NKAIN2: variants seen among roughly 807,000 people sequenced by gnomAD.
The protein encoded by NKAIN2 is sodium/potassium-transporting ATPase subunit beta-1-interacting protein 2.
A neutral mutation model predicts 32.6 loss-of-function variants in NKAIN2; 14 were observed. The ratio of observed to expected loss-of-function variants is 0.43; its 90% CI spans 0.28 to 0.67. NKAIN2 has a LOEUF of 0.67. Ranked by LOEUF, NKAIN2 falls within the 30% of genes least tolerant of loss-of-function variation. The pLI is 0.17. For missense variants in NKAIN2, 198 were observed against 258.3 expected, an observed-to-expected ratio of 0.77 and a Z score of 1.60; for synonymous variants, 80 against 87.2, an observed-to-expected ratio of 0.92 and a Z score of 0.46.
At position 124,294,870 on chromosome 6, in the gene NKAIN2, C is replaced by T. The variant is rs529592528; in HGVS notation, c.192+11728C>T. Among the ~76,000 whole-genome samples, 18 of 152,222 alleles carry T rather than the reference C, an allele frequency of 1.2e-4. No homozygotes were observed. In the South Asian group the frequency reaches 3.7e-3, roughly 31 times the overall value. ...TCTGTTTGACTAGACCTGTCATTTT[C>T]TGAAACACAGCGGAATCCATTTTTT... On this transcript the variant is annotated intron_variant, in intron 2 of 6. Coordinates refer to ENST00000368417, the MANE Select transcript of NKAIN2 (RefSeq NM_001040214.3).
chr6:124,099,419 A>C (rs544182546), intron 1 of NKAIN2, among the ~76,000 whole-genome samples: 17 of 152,346 alleles, frequency 1.1e-4, no homozygotes, highest in African/African-American at 3.6e-4. Flanking sequence ...TAATCACAAA[A>C]TTGCTGTCTA....
intron 4 of NKAIN2, among the ~76,000 whole-genome samples, chr6:124,716,944 A>G (rs1468099116): frequency 2.6e-5 from 4 of 152,208 alleles, no homozygotes; most frequent in African/African-American, 9.6e-5. Flanking sequence ...CCCAATACCT[A>G]CAACAATGTC....
At chr6:123,877,045 G>A (rs1483110415) in intron 1 of NKAIN2, among the ~76,000 whole-genome samples, 1 of 151,950 alleles carries the variant, frequency 6.6e-6, no homozygotes, top group African/African-American at 2.4e-5. Context: ...GCTATTTCAT[G>A]TCTGATACTG....
chr6:124,139,415 TA>T (rs1174536385), intron 1 of NKAIN2, among the ~76,000 whole-genome samples: 1 of 152,168 alleles, frequency 6.6e-6, no homozygotes, highest in Non-Finnish European at 1.5e-5. Flanking sequence ...TAAAGTAAGA[TA>T]AAATAAAATT....
At chr6:124,189,483 G>A (rs1421971149) in intron 1 of NKAIN2, among the ~76,000 whole-genome samples, 3 of 152,126 alleles carry the variant, frequency 2.0e-5, no homozygotes, top group East Asian at 3.9e-4. Flanking sequence ...GGCAGATCAC[G>A]AGGTCAGGAG....
intron 1 of NKAIN2, among the ~76,000 whole-genome samples, chr6:124,223,048 C>A (rs1791913790): frequency 6.6e-6 from 1 of 151,782 alleles, no homozygotes; most frequent in Admixed American, 6.6e-5. Context: ...CCTGTCTCTA[C>A]TGAAAATACA....
intron 4 of NKAIN2, among the ~76,000 whole-genome samples, chr6:124,716,374 ACAT>A (rs1775756819): frequency 6.6e-6 from 1 of 152,314 alleles, no homozygotes; most frequent in Non-Finnish European, 1.5e-5. Context: ...AAAGCAAGAG[ACAT>A]CTGTATCCAA....
At chr6:124,179,753 C>A (rs557461241) in intron 1 of NKAIN2, among the ~76,000 whole-genome samples, 2 of 152,248 alleles carry the variant, frequency 1.3e-5, no homozygotes, top group South Asian at 2.1e-4. Flanking sequence ...ATGTTGGTTT[C>A]TTTTCCTGTG....
At chr6:123,954,570 A>T (rs753455413) in intron 1 of NKAIN2, among the ~76,000 whole-genome samples, 3 of 152,124 alleles carry the variant, frequency 2.0e-5, no homozygotes, top group Non-Finnish European at 4.4e-5. Context: ...TTGAAGTATG[A>T]TTACCTACTC....
intron 4 of NKAIN2, among the ~76,000 whole-genome samples, chr6:124,750,586 A>AG (rs1403306006): frequency 1.3e-5 from 2 of 152,002 alleles, no homozygotes; most frequent in African/African-American, 4.8e-5. Context: ...ACTAACAAAT[A>AG]ATACATATGC....
At chr6:124,014,182 C>A (rs548842895) in intron 1 of NKAIN2, among the ~76,000 whole-genome samples, 85 of 152,092 alleles carry the variant, frequency 5.6e-4, no homozygotes, top group Non-Finnish European at 1.0e-3. Context: ...GAAAGCTTTT[C>A]AATGAATATT....
At chr6:124,746,625 C>G (rs1366986913) in intron 4 of NKAIN2, among the ~76,000 whole-genome samples, 4 of 151,790 alleles carry the variant, frequency 2.6e-5, no homozygotes, top group South Asian at 2.1e-4. Context: ...AAAACATCAT[C>G]AAGAATGTTT....
chr6:124,610,155 G>A (rs527551509), intron 3 of NKAIN2, among the ~76,000 whole-genome samples: 1 of 152,228 alleles, frequency 6.6e-6, no homozygotes, highest in South Asian at 2.1e-4. Context: ...ATTCACAAAT[G>A]CTTATGACAA....
intron 3 of NKAIN2, among the ~76,000 whole-genome samples, chr6:124,517,235 T>C (rs1778947799): frequency 6.6e-6 from 1 of 152,284 alleles, no homozygotes; most frequent in African/African-American, 2.4e-5. Context: ...TCTTGTTATA[T>C]CCTCGGAAAT....
intron 1 of NKAIN2, among the ~76,000 whole-genome samples, chr6:124,189,695 A>G (rs1490407549): frequency 6.6e-6 from 1 of 152,210 alleles, no homozygotes; most frequent in Non-Finnish European, 1.5e-5. Context: ...AATAAAAATA[A>G]AAAATAAAAA....
rs1354921718 is a variant in NKAIN2 at position 124,658,689 on chromosome 6, A to G, written c.474+303A>G. 8.8e-6 allele frequency: 5 copies of G among 567,438 alleles called. No individual in the cohort carries two copies. In the African/African-American group the frequency reaches 9.4e-5, roughly 11 times the overall value. 35.2% of individuals were successfully genotyped at this position (567,438 alleles called of 1,614,324 possible). ...AGACTTTTCCAAGGATTCTGAAGGGATGATCAGAGATTTTTTTCATAACGT... is the reference window on the plus strand; with the variant it reads ...AGACTTTTCCAAGGATTCTGAAGGGGTGATCAGAGATTTTTTTCATAACGT... On this transcript the variant is annotated intron_variant, in intron 4 of 6. Transcript: ENST00000368417.
intron 1 of NKAIN2, among the ~76,000 whole-genome samples, chr6:123,837,997 G>C (rs1774701803): frequency 6.6e-6 from 1 of 152,094 alleles, no homozygotes; most frequent in Admixed American, 6.6e-5. Flanking sequence ...AGTATACCTT[G>C]GTAGTAGGAT....
At chr6:123,835,422 A>T (rs576285659) in intron 1 of NKAIN2, among the ~76,000 whole-genome samples, 1 of 152,214 alleles carries the variant, frequency 6.6e-6, no homozygotes, top group Non-Finnish European at 1.5e-5. Context: ...TTTACAATCT[A>T]TCTGCCCATC....
intron 3 of NKAIN2, among the ~76,000 whole-genome samples, chr6:124,516,419 C>T (rs538915932): frequency 3.3e-4 from 50 of 152,132 alleles, no homozygotes; most frequent in Middle Eastern, 6.8e-3. Context: ...AAAAAAGCAA[C>T]GCTTTCTCCT....
Sources: allele counts gnomAD v4.1 joint callset (sites outside exome capture counted in the v4.1 genomes callset), GRCh38; gene constraint gnomAD v4.1.1; transcripts MANE v1.5; gene names NCBI Gene and HGNC (gene_info 2026-07-23, HGNC 2026-07-21).